Variants in SDK1 observed in about 807,000 individuals in gnomAD.
SDK1 encodes the protein protein sidekick-1.
A neutral mutation model predicts 245.5 loss-of-function variants in SDK1; 157 were observed. The observed-to-expected ratio is 0.64, with a 90% CI of 0.56 to 0.73. The LOEUF (loss-of-function observed/expected upper bound fraction) is 0.73. Among genes scored for constraint, SDK1 ranks in the 30% least tolerant of loss-of-function variants. The pLI is 0.00. For missense variants in SDK1, 3,583 were observed against 3,002.3 expected (o/e 1.19, Z -4.52); for synonymous variants, 1,647 against 1,278.5 (o/e 1.29, Z -6.15).
intron 1 of SDK1, among the ~76,000 whole-genome samples, chr7:3,545,346 A>C (rs1779186719): frequency 1.3e-5 from 2 of 152,166 alleles, no homozygotes; most frequent in African/African-American, 4.8e-5. Flanking sequence ...CCTAGAGTTA[A>C]TGGCTAAAGT....
chr7:3,582,573 A>G (rs1469693087), intron 1 of SDK1, among the ~76,000 whole-genome samples: 1 of 150,126 alleles, frequency 6.7e-6, no homozygotes, highest in African/African-American at 2.4e-5. Flanking sequence ...AAAATTAACT[A>G]TTGGGTACTA....
Position 3,642,122 on chromosome 7 carries a change from GT to G in SDK1, c.713+19del. 1 of 1,612,308 alleles carries G rather than the reference GT, an allele frequency of 6.2e-7. No individual in the cohort carries two copies. ...CAACAGAATGTAAGTTGCTCCAAAC[GT>G]TAAAGCTTCAAATACAATTGTAATG... On this transcript the variant is annotated intron_variant, in intron 4 of 44. Transcript: ENST00000404826.
At position 4,085,272 on chromosome 7, in the gene SDK1, C is replaced by G. The variant is rs115129283; in HGVS notation, c.3324+5688C>G. On this transcript the variant is annotated intron_variant, in intron 22 of 44. Coordinates refer to ENST00000404826, the MANE Select transcript of SDK1 (RefSeq NM_152744.4). Reference sequence around the variant, plus strand: ...CAAAATTATAATCTCAGTGGTATGACTAACAGAGACTACTGAATGAAATTT... The same window carrying G: ...CAAAATTATAATCTCAGTGGTATGAGTAACAGAGACTACTGAATGAAATTT... Among the ~76,000 whole-genome samples the G allele has an allele frequency of 1.8e-3, 277 of 152,236 alleles. 7 individuals are homozygous for G. In the South Asian group the frequency reaches 0.054, roughly 30 times the overall value.
At chr7:3,436,460 T>C (rs1780023444) in intron 1 of SDK1, among the ~76,000 whole-genome samples, 1 of 152,100 alleles carries the variant, frequency 6.6e-6, no homozygotes, top group Non-Finnish European at 1.5e-5. Context: ...CTTGTCATTC[T>C]AATCTAATGA....
intron 4 of SDK1, among the ~76,000 whole-genome samples, chr7:3,708,034 C>G (rs186025418): frequency 6.6e-6 from 1 of 152,056 alleles, no homozygotes; most frequent in Non-Finnish European, 1.5e-5. Flanking sequence ...GCTCATGGTA[C>G]TGTAGGTTGT....
Position 4,023,495 on chromosome 7 carries a change from G to A in SDK1, c.2602+6143G>A, listed in dbSNP as rs189115040. The stretch of plus-strand genomic sequence containing the variant: ...TCAAATTTCCATGATGATTACCCAC[G>A]ATGAAATGGAAAATAACTGAAATTT... On this transcript the variant is annotated intron_variant, in intron 17 of 44. Transcript: ENST00000404826. 1.7e-3 allele frequency among the ~76,000 whole-genome samples: 265 copies of A among 152,210 alleles called. 2 individuals are homozygous for A. Among genetic ancestry groups the A allele is most frequent in the Non-Finnish European group, 3.7e-4 (25 of 68,018 alleles).
chr7:3,578,641 T>C (rs147688264), intron 1 of SDK1, among the ~76,000 whole-genome samples: 153 of 151,942 alleles, frequency 1.0e-3, no homozygotes, highest in African/African-American at 3.5e-3. Flanking sequence ...ATGCAATTCT[T>C]ATCTTAGGGT....
At chr7:3,531,108 A>C (rs1380335568) in intron 1 of SDK1, among the ~76,000 whole-genome samples, 1 of 152,156 alleles carries the variant, frequency 6.6e-6, no homozygotes, top group Non-Finnish European at 1.5e-5. Context: ...GACTAATATG[A>C]ACTCTGCTTT....
chr7:3,883,982 A>G (rs886528361), intron 5 of SDK1, among the ~76,000 whole-genome samples: 2 of 152,214 alleles, frequency 1.3e-5, no homozygotes, highest in Admixed American at 6.5e-5. Context: ...TGAAAGTCCA[A>G]AGTCCAACCC....
intron 1 of SDK1, among the ~76,000 whole-genome samples, chr7:3,359,736 A>G (rs1780902425): frequency 6.6e-6 from 1 of 152,178 alleles, no homozygotes; most frequent in Non-Finnish European, 1.5e-5. Flanking sequence ...TCAGGAGTTC[A>G]GTAATTGTGA....
At chr7:4,201,194 C>T (rs1026375733) in intron 35 of SDK1, among the ~76,000 whole-genome samples, 1 of 152,218 alleles carries the variant, frequency 6.6e-6, no homozygotes, top group Non-Finnish European at 1.5e-5. Flanking sequence ...ATCTCCAACT[C>T]TCACTTGTCC....
Position 3,859,654 on chromosome 7 carries a change from TGTCTTATAA to T in SDK1, c.847+38073_847+38081del, listed in dbSNP as rs1780639228. 2.0e-5 allele frequency among the ~76,000 whole-genome samples: 3 copies of T among 152,154 alleles called. No homozygotes were observed. The South Asian group carries it at 6.2e-4, about 32-fold the overall frequency. On this transcript the variant is annotated intron_variant, in intron 5 of 44. Transcript: ENST00000404826. ...CACCCCATAAAAATTCCTTCTCTTT[TGTCTTATAA>T]GGCCAACTTCCATTACCATCCCCAG...
chr7:3,344,276 T>C (rs1462717610), intron 1 of SDK1, among the ~76,000 whole-genome samples: 2 of 152,250 alleles, frequency 1.3e-5, no homozygotes, highest in Non-Finnish European at 2.9e-5. Context: ...ATTTTTCATC[T>C]GAATCATTAA....
chr7:3,406,520 A>G (rs960980225), intron 1 of SDK1, among the ~76,000 whole-genome samples: 4 of 151,978 alleles, frequency 2.6e-5, no homozygotes, highest in Non-Finnish European at 5.9e-5. Context: ...TCTCTCTCCA[A>G]CTGTGGGCCA....
chr7:4,003,655 C>T (rs1785240752), intron 14 of SDK1, among the ~76,000 whole-genome samples: 1 of 152,210 alleles, frequency 6.6e-6, no homozygotes, highest in Admixed American at 6.5e-5. Flanking sequence ...AGGGTGAACC[C>T]TGTCAACGTG....
At chr7:3,411,649 T>C (rs1000515451) in intron 1 of SDK1, among the ~76,000 whole-genome samples, 2 of 152,202 alleles carry the variant, frequency 1.3e-5, no homozygotes, top group Admixed American at 6.5e-5. Context: ...AAAAATATGC[T>C]AATTTTAACC....
intron 35 of SDK1, among the ~76,000 whole-genome samples, chr7:4,202,232 CTCAGCCCAAG>C (rs1416199828): frequency 2.0e-5 from 3 of 152,202 alleles, no homozygotes; most frequent in African/African-American, 4.8e-5. Flanking sequence ...CCACCTGTCC[CTCAGCCCAAG>C]GCCTAGACCC....
chr7:3,712,527 AC>A (rs1785078005), intron 4 of SDK1, among the ~76,000 whole-genome samples: 1 of 152,012 alleles, frequency 6.6e-6, no homozygotes. Flanking sequence ...CCATCCCCCA[AC>A]CCTCTGGTCT....
intron 5 of SDK1, among the ~76,000 whole-genome samples, chr7:3,919,126 G>A (rs1022054818): frequency 6.6e-6 from 1 of 152,082 alleles, no homozygotes; most frequent in Non-Finnish European, 1.5e-5. Context: ...TATCTCAGCT[G>A]CTTCATCTCC....
Sources: gnomAD v4.1 joint callset for allele counts (sites outside exome capture counted in the v4.1 genomes callset) on GRCh38, gnomAD v4.1.1 for gene constraint, MANE v1.5 for transcripts, NCBI Gene and HGNC (gene_info 2026-07-23, HGNC 2026-07-21) for gene names.